SLC30A8: variants seen among roughly 807,000 people sequenced by gnomAD.
The protein encoded by SLC30A8 is proton-coupled zinc antiporter SLC30A8.
In SLC30A8, 27 loss-of-function variants were observed where a neutral mutation model predicts 36.9. That is an observed-to-expected ratio of 0.73 (90% CI 0.54 to 1.01). SLC30A8 has a LOEUF of 1.01. Among genes scored for constraint, SLC30A8 ranks in the 50% least tolerant of loss-of-function variants. The pLI is 0.00. For missense variants in SLC30A8, 439 were observed against 452.0 expected, an observed-to-expected ratio of 0.97 and a Z score of 0.26; for synonymous variants, 164 against 172.4, an observed-to-expected ratio of 0.95 and a Z score of 0.38.
intron 1 of SLC30A8, among the ~76,000 whole-genome samples, chr8:116,972,856 A>G (rs1309080047): frequency 6.6e-6 from 1 of 152,184 alleles, no homozygotes; most frequent in Non-Finnish European, 1.5e-5. Context: ...TTAGTAAAAA[A>G]GCCCTCTAAT....
chr8:117,038,253 A>G (rs1817276721), intron 1 of SLC30A8, among the ~76,000 whole-genome samples: 1 of 152,302 alleles, frequency 6.6e-6, no homozygotes, highest in South Asian at 2.1e-4. Flanking sequence ...CCCAGAGACA[A>G]TTATTATTTC....
intron 2 of SLC30A8, among the ~76,000 whole-genome samples, chr8:117,093,676 CAG>C (rs1015613928): frequency 5.3e-5 from 8 of 152,220 alleles, no homozygotes; most frequent in Admixed American, 6.5e-5. Context: ...CACTACTAAC[CAG>C]AGTTACTGTC....
At chr8:117,068,868 C>T (rs956518276) in intron 2 of SLC30A8, among the ~76,000 whole-genome samples, 1 of 152,196 alleles carries the variant, frequency 6.6e-6, no homozygotes, top group African/African-American at 2.4e-5. Context: ...CGAGCCACTA[C>T]ATGTGGCAAC....
chr8:117,129,668 T>G (rs894418582), intron 2 of SLC30A8, among the ~76,000 whole-genome samples: 16 of 152,192 alleles, frequency 1.1e-4, no homozygotes, highest in African/African-American at 3.6e-4. Context: ...GTCCTGATAT[T>G]ATTTTTTAAC....
chr8:117,128,675 C>T (rs994495146), intron 2 of SLC30A8: 2 of 151,998 alleles, frequency 1.3e-5, no homozygotes, highest in African/African-American at 2.4e-5. Flanking sequence ...ATTTAGCTGG[C>T]AGTTAATTGG....
chr8:117,076,866 G>A (rs768482629), intron 2 of SLC30A8, among the ~76,000 whole-genome samples: 1 of 151,988 alleles, frequency 6.6e-6, no homozygotes, highest in African/African-American at 2.4e-5. Context: ...AACTAATAAA[G>A]TGTAGCAGCA....
intron 2 of SLC30A8, among the ~76,000 whole-genome samples, chr8:117,097,416 AAAAT>A (rs1554583215): frequency 0.035 from 3,679 of 104,108 alleles, 134 homozygotes; most frequent in East Asian, 0.065. Context: ...AAAAAAAAAA[AAAAT>A]ATATATAAAT....
At chr8:117,077,358 T>G (rs1012795695) in intron 2 of SLC30A8, among the ~76,000 whole-genome samples, 1 of 152,196 alleles carries the variant, frequency 6.6e-6, no homozygotes, top group Non-Finnish European at 1.5e-5. Context: ...GAAAAAAATA[T>G]CTTATGGTTG....
rs946052598 is a variant in SLC30A8, at chr8:117,157,860, G to T, written c.572+16G>T. 6.2e-7 allele frequency: 1 copy of T among 1,613,398 alleles called. No individual in the cohort carries two copies. Among genetic ancestry groups the T allele is most frequent in the Non-Finnish European group, 8.5e-7 (1 of 1,179,732 alleles). ...CCAACATTGTGTAAGTCATCCCCTG[G>T]TCCCCACACACTGCTCATGAGGCTC... is the stretch of plus-strand genomic sequence containing the variant. On this transcript the variant is annotated intron_variant, in intron 4 of 7. Coordinates refer to ENST00000456015, the MANE Select transcript of SLC30A8 (RefSeq NM_173851.3).
intron 1 of SLC30A8, among the ~76,000 whole-genome samples, chr8:117,012,680 G>A (rs746711754): frequency 1.3e-5 from 2 of 148,460 alleles, no homozygotes; most frequent in Non-Finnish European, 3.0e-5. Flanking sequence ...GTGTGTGTGT[G>A]TGCATGTGTG....
At chr8:116,955,952 C>A (rs191861422) in intron 1 of SLC30A8, among the ~76,000 whole-genome samples, 13 of 151,908 alleles carry the variant, frequency 8.6e-5, no homozygotes, top group African/African-American at 2.9e-4. Flanking sequence ...TTATGGCATC[C>A]GTAGGAAACA....
chr8:116,952,378 A>G (rs941789567), intron 1 of SLC30A8, among the ~76,000 whole-genome samples: 4 of 152,192 alleles, frequency 2.6e-5, no homozygotes, highest in Non-Finnish European at 5.9e-5. Context: ...AATAATTCTA[A>G]AAGTCTTACA....
chr8:117,085,145 A>C (rs922789781), intron 2 of SLC30A8, among the ~76,000 whole-genome samples: 1 of 152,170 alleles, frequency 6.6e-6, no homozygotes, highest in African/African-American at 2.4e-5. Context: ...AGAAAAAACT[A>C]TAACTTCTAT....
chr8:117,174,755 G>A lies in SLC30A8; in HGVS notation c.*2074G>A, dbSNP rs866597336. The A allele has an allele frequency of 2.0e-4, 30 of 152,510 alleles. No individual in the cohort carries two copies. The highest frequency in any genetic ancestry group is 5.2e-4 in the Admixed American group (8 of 15,248). The allele number at this position is 152,510 out of a possible 1,614,324, so 9.4% of individuals were successfully genotyped here. A position where few individuals can be genotyped will look rare whatever the true frequency, so the allele number is the denominator to read the frequency against. ...GAATGTCAGGTAATCATTATGGAGGGAGATTTGTGTGTCAACCAAAGTAAT... is the reference window on the plus strand; with the variant it reads ...GAATGTCAGGTAATCATTATGGAGGAAGATTTGTGTGTCAACCAAAGTAAT... On this transcript the variant is annotated 3_prime_UTR_variant, in exon 8 of 8. Transcript: ENST00000456015.
rs558659451 is a variant in SLC30A8 at position 116,961,155 on chromosome 8, C to T, written c.-266+10036C>T. On this transcript the variant is annotated intron_variant, in intron 1 of 10. Transcript: ENST00000427715. Reference sequence around the variant, plus strand: ...GTTTTAAAAAGATTTATGGGCCAGGCGCGGTGGCTCACGCCTGTAATCCCA... The same window carrying T: ...GTTTTAAAAAGATTTATGGGCCAGGTGCGGTGGCTCACGCCTGTAATCCCA... Among the ~76,000 whole-genome samples, 136 of 152,272 alleles carry T rather than the reference C, an allele frequency of 8.9e-4. 1 individual carries two copies. Among genetic ancestry groups the T allele is most frequent in the African/African-American group, 3.1e-3 (130 of 41,558 alleles).
intron 1 of SLC30A8, among the ~76,000 whole-genome samples, chr8:116,978,716 C>G (rs1815143846): frequency 6.6e-6 from 1 of 152,118 alleles, no homozygotes; most frequent in South Asian, 2.1e-4. Context: ...CTGATGCTGC[C>G]CCTTGGAGAT....
At chr8:117,029,162 C>T (rs907623117) in intron 1 of SLC30A8, among the ~76,000 whole-genome samples, 8 of 152,126 alleles carry the variant, frequency 5.3e-5, no homozygotes, top group Non-Finnish European at 8.8e-5. Flanking sequence ...TTTGACCCTG[C>T]CAGGATTACT....
At chr8:116,971,943 G>A (rs1814808913) in intron 1 of SLC30A8, among the ~76,000 whole-genome samples, 1 of 152,048 alleles carries the variant, frequency 6.6e-6, no homozygotes, top group Admixed American at 6.6e-5. Context: ...TAGTAGGTGA[G>A]GAGAAATATC....
At chr8:116,977,311 G>T (rs1246182462) in intron 1 of SLC30A8, among the ~76,000 whole-genome samples, 2 of 122,322 alleles carry the variant, frequency 1.6e-5, no homozygotes, top group African/African-American at 5.3e-5. Context: ...ACCACACCTG[G>T]CTAATTTTTT....
Sources: gnomAD v4.1 joint callset for allele counts (sites outside exome capture counted in the v4.1 genomes callset) on GRCh38, gnomAD v4.1.1 for gene constraint, MANE v1.5 for transcripts, NCBI Gene and HGNC (gene_info 2026-07-23, HGNC 2026-07-21) for gene names.